Variants in DSCAM observed in about 807,000 individuals in gnomAD.
DSCAM encodes the protein DS cell adhesion molecule.
A neutral mutation model predicts 217.7 loss-of-function variants in DSCAM; 47 were observed. That is an observed-to-expected ratio of 0.22 (90% CI 0.17 to 0.28). DSCAM has a LOEUF of 0.28. Among genes scored for constraint, DSCAM ranks in the 10% least tolerant of loss-of-function variants. The probability of loss-of-function intolerance (pLI) is 1.00; values close to 1 mark genes in which losing one functional copy is unlikely to be tolerated. For missense variants in DSCAM, 2,080 were observed against 2,618.3 expected (o/e 0.79, Z 4.49); for synonymous variants, 1,056 against 1,015.3 (o/e 1.04, Z -0.76).
chr21:40,211,025 GC>G (rs1242677942), intron 11 of DSCAM, among the ~76,000 whole-genome samples: 1 of 152,142 alleles, frequency 6.6e-6, no homozygotes, highest in Non-Finnish European at 1.5e-5. Flanking sequence ...TTTGCACCTG[GC>G]CCCATCCTAC....
chr21:40,497,710 T>A (rs2076130592), intron 3 of DSCAM, among the ~76,000 whole-genome samples: 1 of 152,220 alleles, frequency 6.6e-6, no homozygotes, highest in African/African-American at 2.4e-5. Flanking sequence ...TAAGAAAACA[T>A]CCTGTTGTAC....
chr21:40,287,237 G>A lies in DSCAM; in HGVS notation c.2182+8818C>T, dbSNP rs141194723. 3.6e-3 allele frequency among the ~76,000 whole-genome samples: 546 copies of A among 152,354 alleles called. 5 individuals are homozygous for A. The highest frequency in any genetic ancestry group is 0.012 in the African/African-American group (516 of 41,588). On this transcript the variant is annotated intron_variant, in intron 10 of 32. Transcript: ENST00000400454. Reference sequence around the variant, plus strand: ...AGTGTGATCACAGTGTGATTAACAGGTGATCTGCAGTGTGAGCCCTCTCTT... The same window carrying A: ...AGTGTGATCACAGTGTGATTAACAGATGATCTGCAGTGTGAGCCCTCTCTT...
At chr21:40,054,779 C>T (rs2088986870) in intron 29 of DSCAM, among the ~76,000 whole-genome samples, 2 of 152,178 alleles carry the variant, frequency 1.3e-5, no homozygotes, top group Non-Finnish European at 2.9e-5. Flanking sequence ...AGACAGACAG[C>T]ATGGCGGTGA....
intron 8 of DSCAM, among the ~76,000 whole-genome samples, chr21:40,333,935 C>T (rs759120360): frequency 3.9e-5 from 6 of 152,300 alleles, no homozygotes; most frequent in East Asian, 1.9e-4. Flanking sequence ...TCGCACCTTG[C>T]AACCAATGGG....
intron 3 of DSCAM, among the ~76,000 whole-genome samples, chr21:40,648,287 A>ACACT (rs1254858775): frequency 7.3e-5 from 11 of 151,022 alleles, no homozygotes; most frequent in Non-Finnish European, 1.6e-4. Context: ...ACACACTCAC[A>ACACT]CACTGCTCAG....
At chr21:40,376,391 GATAT>G (rs972351272) in intron 3 of DSCAM, among the ~76,000 whole-genome samples, 2 of 144,844 alleles carry the variant, frequency 1.4e-5, no homozygotes, top group Non-Finnish European at 3.0e-5. Flanking sequence ...GGAAATAGAA[GATAT>G]ATATATATCT....
intron 3 of DSCAM, among the ~76,000 whole-genome samples, chr21:40,468,984 A>T (rs2075866970): frequency 6.6e-6 from 1 of 152,138 alleles, no homozygotes; most frequent in South Asian, 2.1e-4. Context: ...GAGTGTTTGC[A>T]TTCCAAGATG....
intron 1 of DSCAM, among the ~76,000 whole-genome samples, chr21:40,770,302 G>T (rs973238718): frequency 6.6e-6 from 1 of 152,072 alleles, no homozygotes; most frequent in African/African-American, 2.4e-5. Flanking sequence ...TTCAGAATCA[G>T]TTTCTCAACT....
At chr21:40,218,227 T>C (rs1174583859) in intron 11 of DSCAM, among the ~76,000 whole-genome samples, 6 of 152,160 alleles carry the variant, frequency 3.9e-5, no homozygotes, top group Non-Finnish European at 4.4e-5. Flanking sequence ...CCAGTTATCC[T>C]AGCACCATTT....
At chr21:40,050,513 CGCTCTGTCGTCCAGGCTGGAG>C (rs2088913085) in intron 30 of DSCAM, among the ~76,000 whole-genome samples, 1 of 150,862 alleles carries the variant, frequency 6.6e-6, no homozygotes, top group African/African-American at 2.4e-5. Flanking sequence ...GACAGAGTCT[CGCTCTGTCGTCCAGGCTGGAG>C]TGCAGTGGCG....
rs546014198 is a variant in DSCAM at position 40,767,911 on chromosome 21, T to C, written c.44-59140A>G. ...CTTTCTCTCTCTCCCTGTGTGTGTG[T>C]GCGTGTGTGCATGTTACATGGTTTC... On this transcript the variant is annotated intron_variant, in intron 1 of 32. Transcript: ENST00000400454. 3.9e-4 allele frequency among the ~76,000 whole-genome samples: 60 copies of C among 152,304 alleles called. 1 individual carries two copies. The highest frequency in any genetic ancestry group is 2.6e-3 in the Admixed American group (39 of 15,288).
At chr21:40,524,333 T>A (rs968439715) in intron 3 of DSCAM, among the ~76,000 whole-genome samples, 1 of 152,154 alleles carries the variant, frequency 6.6e-6, no homozygotes, top group Non-Finnish European at 1.5e-5. Flanking sequence ...CACCACAGGA[T>A]AATTCTCTTT....
In DSCAM at chr21:40,312,470, T is replaced by C. The variant is rs1007306; in HGVS notation, c.1784-111A>G. 5.7e-3 allele frequency: 7,066 copies of C among 1,229,630 alleles called. 23 individuals are homozygous for C. The highest frequency in any genetic ancestry group is 7.3e-3 in the Middle Eastern group (36 of 4,928). 76.2% of individuals were successfully genotyped at this position (1,229,630 alleles called of 1,614,324 possible). A position where few individuals can be genotyped will look rare whatever the true frequency, so the allele number is the denominator to read the frequency against. ...AGTACAGACGATCATAGATACAGCA[T>C]AGAAATACAGGAACTGTAGCAAATT... On this transcript the variant is annotated intron_variant, in intron 8 of 32. Coordinates refer to ENST00000400454, the MANE Select transcript of DSCAM (RefSeq NM_001389.5).
At chr21:40,628,993 G>T (rs117914667) in intron 3 of DSCAM, among the ~76,000 whole-genome samples, 2 of 151,954 alleles carry the variant, frequency 1.3e-5, no homozygotes, top group Non-Finnish European at 2.9e-5. Flanking sequence ...GCAATCTGCC[G>T]GCCTCGGCCT....
chr21:40,797,111 T>C (rs887128122), intron 1 of DSCAM, among the ~76,000 whole-genome samples: 1 of 152,226 alleles, frequency 6.6e-6, no homozygotes, highest in Admixed American at 6.5e-5. Flanking sequence ...AGGGCCTATT[T>C]GTCTTCATTA....
chr21:40,168,739 C>T (rs78164033), intron 15 of DSCAM, among the ~76,000 whole-genome samples: 2,984 of 152,170 alleles, frequency 0.02, 43 homozygotes, highest in Non-Finnish European at 0.029. Flanking sequence ...AGGGAAAGCT[C>T]CCTTCCTTTT....
intron 15 of DSCAM, 47 bp from the exon 16 acceptor site, chr21:40,167,335 G>GCAGAT: frequency 6.4e-7 from 1 of 1,567,274 alleles, no homozygotes; most frequent in South Asian, 1.1e-5. Context: ...GCTTTCCGGA[G>GCAGAT]CAGATCGAAG....
intron 3 of DSCAM, among the ~76,000 whole-genome samples, chr21:40,580,017 C>T (rs1414683180): frequency 6.6e-6 from 1 of 151,950 alleles, no homozygotes; most frequent in Admixed American, 6.6e-5. Flanking sequence ...GATCATCCAC[C>T]AGAACCAATG....
intron 6 of DSCAM, among the ~76,000 whole-genome samples, chr21:40,344,514 G>A (rs2074536914): frequency 6.6e-6 from 1 of 152,118 alleles, no homozygotes; most frequent in Non-Finnish European, 1.5e-5. Context: ...TGTTGTTGTT[G>A]GGTTTTTTGC....
Sources: allele counts gnomAD v4.1 joint callset (sites outside exome capture counted in the v4.1 genomes callset), GRCh38; gene constraint gnomAD v4.1.1; transcripts MANE v1.5; gene names NCBI Gene and HGNC (gene_info 2026-07-23, HGNC 2026-07-21).